DAB2IP: variants seen among roughly 807,000 people sequenced by gnomAD.
DAB2IP encodes DAB2 interacting protein, also known as disabled homolog 2-interacting protein.
A neutral mutation model predicts 107.2 loss-of-function variants in DAB2IP; 28 were observed. That is an observed-to-expected ratio of 0.26 (90% CI 0.19 to 0.36). The LOEUF (loss-of-function observed/expected upper bound fraction) is 0.36, where lower values mean the gene tolerates loss of function less well. Ranked by LOEUF, DAB2IP falls within the 10% of genes least tolerant of loss-of-function variation. The probability of loss-of-function intolerance (pLI) is 1.00; values close to 1 mark genes in which losing one functional copy is unlikely to be tolerated. For synonymous variants in DAB2IP, 755 were observed against 706.4 expected (o/e 1.07, Z -1.09); for missense variants, 1,400 against 1,644.7 (o/e 0.85, Z 2.57).
chr9:121,652,248 T>C (rs771135782), intron 1 of DAB2IP, among the ~76,000 whole-genome samples: 2 of 152,060 alleles, frequency 1.3e-5, no homozygotes, highest in Non-Finnish European at 2.9e-5. Context: ...TTCCCACACC[T>C]TGCCTTCCCA....
At chr9:121,605,421 TGTCA>T (rs892178841) in intron 1 of DAB2IP, among the ~76,000 whole-genome samples, 4 of 152,230 alleles carry the variant, frequency 2.6e-5, no homozygotes, top group Non-Finnish European at 5.9e-5. Flanking sequence ...GAAAGCCACC[TGTCA>T]GTGTCAGTCC....
intron 2 of DAB2IP, among the ~76,000 whole-genome samples, chr9:121,687,387 C>T (rs1449089979): frequency 1.3e-5 from 2 of 152,120 alleles, no homozygotes; most frequent in Non-Finnish European, 2.9e-5. Context: ...TGAGGTGGAC[C>T]AGCATGTGAT....
intron 1 of DAB2IP, among the ~76,000 whole-genome samples, chr9:121,608,263 G>A (rs750950851): frequency 2.8e-4 from 43 of 152,284 alleles, no homozygotes; most frequent in South Asian, 8.3e-4. Flanking sequence ...GTGGAGGTGC[G>A]TGCCCAATTT....
chr9:121,582,955 T>C (rs1830232178), intron 1 of DAB2IP, among the ~76,000 whole-genome samples: 1 of 152,378 alleles, frequency 6.6e-6, no homozygotes, highest in Non-Finnish European at 1.5e-5. Flanking sequence ...GCAGCCCTCA[T>C]GTGTGTCTCA....
At chr9:121,705,200 T>A (rs1417559179) in intron 3 of DAB2IP, among the ~76,000 whole-genome samples, 1 of 152,206 alleles carries the variant, frequency 6.6e-6, no homozygotes, top group African/African-American at 2.4e-5. Context: ...AAGGCTGGGG[T>A]TTCAAAGGCT....
chr9:121,782,442 C>T lies in DAB2IP; in HGVS notation c.3514C>T (p.Pro1172Ser). The change falls in exon 16 of 16, where the codon CCC becomes TCC. Residue 1172 changes from proline (P) to serine (S), a missense_variant. Around this residue, in one of 3 missense-constraint regions of DAB2IP, gnomAD observed 600 missense variants for 659.1 expected, o/e 0.91. Transcript: ENST00000408936. This position sits in a 1 kb window ranked among gnomAD's most constrained non-coding sequence, Gnocchi z 6.1. Reference sequence around the variant, plus strand: ...CCGTAACGGCATCTCCCCCACCAACCCCACCAAATTGCAGATTACTGAGAA... The same window carrying T: ...CCGTAACGGCATCTCCCCCACCAACTCCACCAAATTGCAGATTACTGAGAA... The T allele has an allele frequency of 6.2e-7, 1 of 1,614,112 alleles. No homozygotes were observed. The highest frequency in any genetic ancestry group is 8.5e-7 in the Non-Finnish European group (1 of 1,179,982).
chr9:121,748,352 G>A (rs1009759887), intron 3 of DAB2IP, among the ~76,000 whole-genome samples: 3 of 152,178 alleles, frequency 2.0e-5, no homozygotes, highest in Non-Finnish European at 4.4e-5. Flanking sequence ...GACTCACTGT[G>A]AGGTAGGTGC....
chr9:121,783,038 G>C, exon 16 of DAB2IP: 1 of 1,033,246 alleles, frequency 9.7e-7, no homozygotes, highest in Non-Finnish European at 1.2e-6. Context: ...CAGGAGGTCA[G>C]TGTCCCCTGC....
chr9:121,618,991 C>T (rs1831368585), intron 1 of DAB2IP, among the ~76,000 whole-genome samples: 1 of 152,034 alleles, frequency 6.6e-6, no homozygotes, highest in South Asian at 2.1e-4. Flanking sequence ...CTTAAAGAGC[C>T]AATTATGTGG....
intron 3 of DAB2IP, among the ~76,000 whole-genome samples, chr9:121,723,113 C>T (rs535703698): frequency 6.6e-6 from 1 of 152,344 alleles, no homozygotes; most frequent in East Asian, 1.9e-4. Flanking sequence ...CACCCACAGC[C>T]TTTAGTCCCA....
intron 1 of DAB2IP, among the ~76,000 whole-genome samples, chr9:121,673,394 C>T (rs1833759851): frequency 6.6e-6 from 1 of 152,164 alleles, no homozygotes; most frequent in South Asian, 2.1e-4. Context: ...GAAAATGGAA[C>T]TCACTATAGA....
intron 1 of DAB2IP, among the ~76,000 whole-genome samples, chr9:121,584,238 A>C (rs1416995652): frequency 6.6e-6 from 1 of 152,132 alleles, no homozygotes; most frequent in Non-Finnish European, 1.5e-5. Flanking sequence ...CACCACGCCC[A>C]GCCTCAAAAT....
chr9:121,676,892 A>T (rs974563564), intron 1 of DAB2IP, among the ~76,000 whole-genome samples: 2 of 152,206 alleles, frequency 1.3e-5, no homozygotes, highest in African/African-American at 2.4e-5. Context: ...TTGTGGGGGA[A>T]CCAGTGAGGA....
chr9:121,633,545 TG>T lies in DAB2IP; in HGVS notation c.41-45131del, dbSNP rs1361905107. The stretch of plus-strand genomic sequence containing the variant: ...AAGAACTTCCTGGCTGACTGTGGGG[TG>T]GTGTGAAATCCTGGAATGGGCTGCT... On this transcript the variant is annotated intron_variant, in intron 1 of 16. Coordinates refer to the DAB2IP transcript ENST00000259371. The surrounding 1 kb of genome is among the most constrained non-coding windows in gnomAD (Gnocchi z 5.1). 6.6e-6 allele frequency among the ~76,000 whole-genome samples: 1 copy of T among 151,940 alleles called. No individual in the cohort carries two copies. The highest frequency in any genetic ancestry group is 1.5e-5 in the Non-Finnish European group (1 of 67,984).
At chr9:121,751,869 G>A (rs1398745903) in intron 3 of DAB2IP, 13 of 941,896 alleles carry the variant, frequency 1.4e-5, no homozygotes, top group African/African-American at 1.8e-5. Flanking sequence ...CTGTAGCAGC[G>A]GAGTCCAGGG....
rs374742989 is a variant in DAB2IP, at chr9:121,759,371, T to C, written c.615+375T>C. On this transcript the variant is annotated intron_variant, in intron 5 of 15. Transcript: ENST00000408936. ...CCAGGTGAGGACCCCTGTCCCAGGC[T>C]GGTGCCCTCTGTGTTCCCACTGCCC... is the stretch of plus-strand genomic sequence containing the variant. 4.6e-4 allele frequency among the ~76,000 whole-genome samples: 70 copies of C among 152,312 alleles called. No individual in the cohort carries two copies. The East Asian group carries it at 6.4e-3, about 14-fold the overall frequency.
chr9:121,713,525 G>T (rs1830438554), intron 3 of DAB2IP, among the ~76,000 whole-genome samples: 1 of 152,186 alleles, frequency 6.6e-6, no homozygotes, highest in African/African-American at 2.4e-5. Flanking sequence ...TTGTTGTAGG[G>T]TGGGAATGTT....
chr9:121,614,310 T>G (rs605576), intron 1 of DAB2IP, among the ~76,000 whole-genome samples: 55,427 of 148,588 alleles, frequency 0.37, 11,929 homozygotes, highest in Non-Finnish European at 0.5. Context: ...TGTCCAGGAC[T>G]CTCCCACCTT....
chr9:121,643,716 A>G (rs148494607), intron 1 of DAB2IP, among the ~76,000 whole-genome samples: 4 of 152,114 alleles, frequency 2.6e-5, no homozygotes, highest in African/African-American at 4.8e-5. Flanking sequence ...CTCTTCTCCA[A>G]ATTCTCTCAG....
Sources: gnomAD v4.1 joint callset for allele counts (sites outside exome capture counted in the v4.1 genomes callset) on GRCh38, gnomAD v4.1.1 for gene constraint, gnomAD v4.1.1 regional missense constraint, Gnocchi (gnomAD v3.1) non-coding constraint, MANE v1.5 for transcripts, NCBI Gene and HGNC (gene_info 2026-07-23, HGNC 2026-07-21) for gene names.